Variants in CTNNA2 observed in about 807,000 individuals in gnomAD.
The protein encoded by CTNNA2 is catenin alpha 2.
Under a neutral mutation model 101.0 loss-of-function variants are expected in CTNNA2, and 42 were observed. That is an observed-to-expected ratio of 0.42 (90% CI 0.32 to 0.54). The LOEUF is 0.54. CTNNA2 is among the 20% of genes least tolerant of loss of function. The pLI, the probability that CTNNA2 is intolerant of heterozygous loss-of-function variation, is 0.14. For synonymous variants in CTNNA2, 450 were observed against 456.4 expected, an observed-to-expected ratio of 0.99 and a Z score of 0.18; for missense variants, 871 against 1,223.1, an observed-to-expected ratio of 0.71 and a Z score of 4.29.
intron 2 of CTNNA2, 97 bp from the exon 3 acceptor site, chr2:79,744,290 T>A (rs1050260312): frequency 8.3e-7 from 1 of 1,208,410 alleles, no homozygotes; most frequent in Middle Eastern, 2.9e-4. Context: ...TGAAATCCCA[T>A]GATTTAATAA....
chr2:80,554,184 T>G (rs1692823567), intron 11 of CTNNA2, among the ~76,000 whole-genome samples: 2 of 152,140 alleles, frequency 1.3e-5, no homozygotes, highest in African/African-American at 4.8e-5. Flanking sequence ...AGTGCTTAAT[T>G]TAGTAAAAGT....
At chr2:80,048,952 G>A (rs1286050192) in intron 7 of CTNNA2, among the ~76,000 whole-genome samples, 3 of 152,116 alleles carry the variant, frequency 2.0e-5, no homozygotes, top group African/African-American at 7.2e-5. Flanking sequence ...CAGACAGGTG[G>A]GCAGGAAGAT....
chr2:79,658,273 A>G (rs973223535), intron 2 of CTNNA2, among the ~76,000 whole-genome samples: 2 of 151,998 alleles, frequency 1.3e-5, no homozygotes, highest in Non-Finnish European at 2.9e-5. Context: ...TAGTTTACTT[A>G]ACCGCTCCTT....
At chr2:79,279,372 G>A (rs1034597992) in intron 2 of CTNNA2, among the ~76,000 whole-genome samples, 3 of 152,020 alleles carry the variant, frequency 2.0e-5, no homozygotes, top group African/African-American at 7.2e-5. Flanking sequence ...AAATGCCTGA[G>A]GATAATTCTC....
At position 79,823,919 on chromosome 2, in the gene CTNNA2, GC is replaced by G. The variant is rs1251952586; in HGVS notation, c.299-34093del. ...GAGAGATTGAAGAAGTGTGTTTACC[GC>G]TGAGGACTGAATATAAAGACTTTCC... is the stretch of plus-strand genomic sequence containing the variant. On this transcript the variant is annotated intron_variant, in intron 3 of 18. Transcript: ENST00000402739. Among the ~76,000 whole-genome samples the G allele has an allele frequency of 3.3e-5, 5 of 152,020 alleles. No individual in the cohort carries two copies. In the East Asian group the frequency reaches 9.7e-4, roughly 29 times the overall value.
intron 1 of CTNNA2, among the ~76,000 whole-genome samples, chr2:79,621,438 G>T (rs1678991523): frequency 6.6e-6 from 1 of 152,074 alleles, no homozygotes. Context: ...CACAATGATG[G>T]GGACACATGT....
At chr2:80,601,421 C>CTTTTTTTTTTTTTTTTTTTTTTTTTT (rs56921519) in intron 15 of CTNNA2, among the ~76,000 whole-genome samples, 6 of 84,408 alleles carry the variant, frequency 7.1e-5, no homozygotes, top group African/African-American at 2.9e-4. Context: ...TTCTTTCTTT[C>CTTTTTTTTTTTTTTTTTTTTTTTTTT]TTTTTTTTTT....
At chr2:79,856,246 C>T (rs1456379415) in intron 3 of CTNNA2, among the ~76,000 whole-genome samples, 3 of 152,234 alleles carry the variant, frequency 2.0e-5, no homozygotes, top group Non-Finnish European at 2.9e-5. Context: ...TACACACCCA[C>T]ATTCCCGAGT....
At chr2:79,537,032 T>C (rs192158449) in intron 1 of CTNNA2, among the ~76,000 whole-genome samples, 246 of 152,298 alleles carry the variant, frequency 1.6e-3, no homozygotes, top group African/African-American at 5.6e-3. Context: ...CACTCAGGGT[T>C]CTCATGTTGT....
intron 1 of CTNNA2, among the ~76,000 whole-genome samples, chr2:79,554,962 C>T (rs1674352776): frequency 6.6e-6 from 1 of 152,114 alleles, no homozygotes; most frequent in African/African-American, 2.4e-5. Flanking sequence ...ATTTAGCAGC[C>T]ATTTAATTGC....
intron 7 of CTNNA2, among the ~76,000 whole-genome samples, chr2:79,997,555 C>G (rs1692645522): frequency 6.6e-6 from 1 of 152,108 alleles, no homozygotes; most frequent in Admixed American, 6.6e-5. Context: ...GTTCACTCCT[C>G]TTTAATTTCT....
chr2:80,214,029 A>G (rs1295984457), intron 7 of CTNNA2, among the ~76,000 whole-genome samples: 1 of 152,036 alleles, frequency 6.6e-6, no homozygotes, highest in Non-Finnish European at 1.5e-5. Flanking sequence ...AGAGACTAGG[A>G]TTGCAACCCC....
chr2:79,935,152 GT>G (rs911626996), intron 7 of CTNNA2, among the ~76,000 whole-genome samples: 1 of 152,118 alleles, frequency 6.6e-6, no homozygotes, highest in Non-Finnish European at 1.5e-5. Flanking sequence ...TCTGCCAGCC[GT>G]GGTGTTAGGT....
chr2:79,661,596 G>A (rs1361066467), intron 2 of CTNNA2, among the ~76,000 whole-genome samples: 1 of 152,204 alleles, frequency 6.6e-6, no homozygotes, highest in East Asian at 1.9e-4. Flanking sequence ...CTCACCCATA[G>A]GGGTGATCTA....
chr2:80,331,279 G>A (rs1671307507), intron 7 of CTNNA2, among the ~76,000 whole-genome samples: 2 of 152,166 alleles, frequency 1.3e-5, no homozygotes, highest in African/African-American at 4.8e-5. Flanking sequence ...GGCAGGATTT[G>A]TGTTTGCTGT....
At chr2:79,552,611 A>C (rs1029953654) in intron 1 of CTNNA2, among the ~76,000 whole-genome samples, 1 of 152,140 alleles carries the variant, frequency 6.6e-6, no homozygotes, top group Non-Finnish European at 1.5e-5. Flanking sequence ...ACATCCGGGC[A>C]TTTCCATTCA....
intron 2 of CTNNA2, among the ~76,000 whole-genome samples, chr2:79,673,164 T>C (rs542250701): frequency 1.3e-5 from 2 of 152,362 alleles, no homozygotes; most frequent in African/African-American, 4.8e-5. Flanking sequence ...TTTTTATTGA[T>C]TGAATATTTA....
chr2:79,948,878 G>T (rs1359904209), intron 7 of CTNNA2, among the ~76,000 whole-genome samples: 1 of 152,172 alleles, frequency 6.6e-6, no homozygotes, highest in Non-Finnish European at 1.5e-5. Context: ...TAAGGCAGGA[G>T]AATGGCGTGA....
At chr2:80,512,206 C>T (rs1013421183) in intron 9 of CTNNA2, among the ~76,000 whole-genome samples, 11 of 147,672 alleles carry the variant, frequency 7.4e-5, no homozygotes, top group Admixed American at 2.0e-4. Flanking sequence ...GTGACTTTTG[C>T]TCTGGATTTA....
Sources: allele counts gnomAD v4.1 joint callset (sites outside exome capture counted in the v4.1 genomes callset), GRCh38; gene constraint gnomAD v4.1.1; transcripts MANE v1.5; gene names NCBI Gene and HGNC (gene_info 2026-07-23, HGNC 2026-07-21).